Variants in MACROH2A2 observed in about 807,000 individuals in gnomAD.
MACROH2A2 encodes macroH2A.2 histone, also known as core histone macro-H2A.2.
In MACROH2A2, 6 loss-of-function variants were observed where a neutral mutation model predicts 37.6. That is an observed-to-expected ratio of 0.16 (90% confidence interval 0.09 to 0.32). MACROH2A2 has a LOEUF of 0.32. MACROH2A2 is among the 10% of genes least tolerant of loss of function. The pLI, the probability that MACROH2A2 is intolerant of heterozygous loss-of-function variation, is 1.00. For synonymous variants in MACROH2A2, 192 were observed against 202.7 expected (o/e 0.95, Z 0.45); for missense variants, 290 against 485.9 (o/e 0.60, Z 3.79).
At chr10:70,066,463 C>G (rs1224471081) in intron 1 of MACROH2A2, among the ~76,000 whole-genome samples, 1 of 152,044 alleles carries the variant, frequency 6.6e-6, no homozygotes, top group African/African-American at 2.4e-5. Context: ...AAGATAGGTC[C>G]CAGAAAGACC....
At chr10:70,073,413 A>G (rs1348140305) in intron 1 of MACROH2A2, among the ~76,000 whole-genome samples, 3 of 152,220 alleles carry the variant, frequency 2.0e-5, no homozygotes, top group Non-Finnish European at 2.9e-5. Context: ...ACGTGATAAA[A>G]CAACATGGCA....
intron 7 of MACROH2A2, among the ~76,000 whole-genome samples, chr10:70,103,707 C>T (rs975497100): frequency 2.0e-5 from 3 of 151,904 alleles, no homozygotes; most frequent in South Asian, 4.2e-4. Flanking sequence ...AAGAAACCTT[C>T]AAAGTAACCC....
At chr10:70,095,284 C>T (rs938605524) in intron 5 of MACROH2A2, among the ~76,000 whole-genome samples, 2 of 151,118 alleles carry the variant, frequency 1.3e-5, no homozygotes, top group Non-Finnish European at 1.5e-5. Flanking sequence ...AGGAGAATGG[C>T]GTGAACCTGG....
chr10:70,104,739 G>C (rs1032808659), intron 7 of MACROH2A2, among the ~76,000 whole-genome samples: 2 of 152,182 alleles, frequency 1.3e-5, no homozygotes, highest in African/African-American at 4.8e-5. Flanking sequence ...GCCAGATCCA[G>C]TGCAGCTCAA....
intron 4 of MACROH2A2, 143 bp from the exon 5 acceptor site, chr10:70,093,592 C>G: frequency 1.7e-6 from 1 of 586,684 alleles, no homozygotes; most frequent in Non-Finnish European, 3.1e-6. Flanking sequence ...TTTTGCTCCC[C>G]TCCTTCAAGA....
chr10:70,096,961 G>C (rs975463819), intron 6 of MACROH2A2, among the ~76,000 whole-genome samples: 1 of 152,146 alleles, frequency 6.6e-6, no homozygotes, highest in Non-Finnish European at 1.5e-5. Context: ...TCTTTTAATA[G>C]GTGTCCTGCC....
intron 2 of MACROH2A2, among the ~76,000 whole-genome samples, chr10:70,082,466 C>T (rs988629352): frequency 6.6e-6 from 1 of 151,424 alleles, no homozygotes; most frequent in Non-Finnish European, 1.5e-5. Context: ...AGAGAAAGGA[C>T]GCAAACAGAT....
intron 1 of MACROH2A2, among the ~76,000 whole-genome samples, chr10:70,068,768 A>G (rs1269628794): frequency 1.3e-5 from 2 of 152,220 alleles, no homozygotes; most frequent in Admixed American, 6.5e-5. Context: ...ACCTTCCTGC[A>G]GTGCTTCTGT....
chr10:70,095,824 A>T lies in MACROH2A2; in HGVS notation c.688+71A>T, dbSNP rs7082858. On this transcript the variant is annotated intron_variant, in intron 6 of 8. Transcript: ENST00000373255. The stretch of plus-strand genomic sequence containing the variant: ...GTTCAGGCAAGTTCTTGTGAAGCTG[A>T]TCATTGTCAACTGGCTGTCCCTCCG... 5,033 of 759,522 alleles carry T rather than the reference A, an allele frequency of 6.6e-3. 88 individuals are homozygous for T. Among genetic ancestry groups the T allele is most frequent in the African/African-American group, 0.046 (2,605 of 56,418 alleles). The allele number at this position is 759,522 out of a possible 1,614,324, so 47.0% of individuals were successfully genotyped here.
intron 1 of MACROH2A2, among the ~76,000 whole-genome samples, chr10:70,072,966 C>T (rs533812535): frequency 1.3e-5 from 2 of 152,152 alleles, no homozygotes; most frequent in South Asian, 4.1e-4. Flanking sequence ...CAAACAACAA[C>T]AACAACAACA....
chr10:70,072,526 C>A (rs148119818), intron 1 of MACROH2A2, among the ~76,000 whole-genome samples: 1 of 152,114 alleles, frequency 6.6e-6, no homozygotes, highest in African/African-American at 2.4e-5. Context: ...CCAGTAACAT[C>A]GTCATTTGTT....
intron 1 of MACROH2A2, among the ~76,000 whole-genome samples, chr10:70,072,165 A>C (rs1013791702): frequency 2.0e-5 from 3 of 151,976 alleles, no homozygotes; most frequent in African/African-American, 7.3e-5. Flanking sequence ...GCTACTACAC[A>C]TATTTTCCTT....
chr10:70,055,769 A>G (rs1307095148), intron 1 of MACROH2A2, among the ~76,000 whole-genome samples: 1 of 152,152 alleles, frequency 6.6e-6, no homozygotes, highest in Non-Finnish European at 1.5e-5. Context: ...TCTGTGACTC[A>G]CCATTCCATT....
chr10:70,059,757 G>C (rs1362312243), intron 1 of MACROH2A2, among the ~76,000 whole-genome samples: 2 of 152,196 alleles, frequency 1.3e-5, no homozygotes, highest in African/African-American at 4.8e-5. Context: ...AGCCAAACTG[G>C]AGGCTCCCTC....
chr10:70,084,057 A>G (rs1423220164), intron 2 of MACROH2A2, among the ~76,000 whole-genome samples: 1 of 152,184 alleles, frequency 6.6e-6, no homozygotes, highest in East Asian at 1.9e-4. Context: ...TCAACTGACC[A>G]GAACAAGTAG....
Position 70,111,611 on chromosome 10 carries a change from G to T in MACROH2A2, c.1047G>T (p.Val349=). The part of the protein sequence containing the change: ...DDSSASSLKN[V]YFLLFDSESI... ...CGAGCGCGTCCTCGCTGAAGAACGTGTACTTCCTGCTCTTCGACAGCGAGA... is the reference window on the plus strand; with the variant it reads ...CGAGCGCGTCCTCGCTGAAGAACGTTTACTTCCTGCTCTTCGACAGCGAGA... Residue 349 remains valine, a synonymous_variant, in exon 9 of 9, where the codon GTG becomes GTT. Coordinates refer to ENST00000373255, the MANE Select transcript of MACROH2A2 (RefSeq NM_018649.3). The T allele has an allele frequency of 1.9e-6, 3 of 1,613,724 alleles. No homozygotes were observed. Among genetic ancestry groups the T allele is most frequent in the Non-Finnish European group, 2.5e-6 (3 of 1,179,858 alleles).
At chr10:70,056,100 A>G (rs1185298340) in intron 1 of MACROH2A2, among the ~76,000 whole-genome samples, 1 of 152,272 alleles carries the variant, frequency 6.6e-6, no homozygotes, top group Non-Finnish European at 1.5e-5. Flanking sequence ...GTAAAAATTC[A>G]TACAAAATGG....
At chr10:70,063,357 A>G in intron 1 of MACROH2A2, among the ~76,000 whole-genome samples, 1 of 152,214 alleles carries the variant, frequency 6.6e-6, no homozygotes, top group South Asian at 2.1e-4. Flanking sequence ...GGATCACAGT[A>G]TAATTTTAAA....
In MACROH2A2 at chr10:70,075,540, C is replaced by T. The variant is rs146988381; in HGVS notation, c.-59-60C>T. 341 of 960,152 alleles carry T rather than the reference C, an allele frequency of 3.6e-4. No individual in the cohort carries two copies. In the African/African-American group the frequency reaches 5.0e-3, roughly 14 times the overall value. The allele number at this position is 960,152 out of a possible 1,614,324, so 59.5% of individuals were successfully genotyped here. A position where few individuals can be genotyped will look rare whatever the true frequency, so the allele number is the denominator to read the frequency against. On this transcript the variant is annotated intron_variant, in intron 1 of 8. Coordinates refer to ENST00000373255, the MANE Select transcript of MACROH2A2 (RefSeq NM_018649.3). The surrounding 1 kb of genome is among the most constrained non-coding windows in gnomAD (Gnocchi z 5.0). Reference sequence around the variant, plus strand: ...TCACAGTGGTGCCCAAGGGCCATGCCACTGTGCCCAAGATGTTTGCCAACT... The same window carrying T: ...TCACAGTGGTGCCCAAGGGCCATGCTACTGTGCCCAAGATGTTTGCCAACT...
Sources: gnomAD v4.1 joint callset for allele counts (sites outside exome capture counted in the v4.1 genomes callset) on GRCh38, gnomAD v4.1.1 for gene constraint, Gnocchi (gnomAD v3.1) non-coding constraint, MANE v1.5 for transcripts, NCBI Gene and HGNC (gene_info 2026-07-23, HGNC 2026-07-21) for gene names.